ARAP1: variants seen among roughly 807,000 people sequenced by gnomAD.
The protein encoded by ARAP1 is ArfGAP with RhoGAP domain, ankyrin repeat and PH domain 1, also known as arf-GAP with Rho-GAP domain, ANK repeat and PH domain-containing protein 1.
Under a neutral mutation model 172.2 loss-of-function variants are expected in ARAP1, and 76 were observed. That is an observed-to-expected ratio of 0.44 (90% CI 0.37 to 0.53). The LOEUF (loss-of-function observed/expected upper bound fraction) is 0.53, where lower values mean the gene tolerates loss of function less well. Among genes scored for constraint, ARAP1 ranks in the 20% least tolerant of loss-of-function variants. The pLI is 0.00. For missense variants in ARAP1, 1,686 were observed against 1,977.5 expected (o/e 0.85, Z 2.80); for synonymous variants, 804 against 803.3 (o/e 1.00, Z -0.01).
chr11:72,697,357 G>C lies in ARAP1; in HGVS notation c.2919C>G (p.Ile973Met). The C allele has an allele frequency of 6.2e-7, 1 of 1,602,384 alleles. No individual in the cohort carries two copies. Among genetic ancestry groups the C allele is most frequent in the Non-Finnish European group, 8.5e-7 (1 of 1,174,786 alleles). Residue 973 changes from isoleucine (I) to methionine (M), a missense_variant, in exon 21 of 35, where the codon ATC becomes ATG. By Grantham distance (10) the Ile-to-Met change is conservative. Around this residue, in one of 5 missense-constraint regions of ARAP1, gnomAD observed 274 missense variants for 262.7 expected, o/e 1.04. Coordinates refer to ENST00000393609, the MANE Select transcript of ARAP1 (RefSeq NM_001040118.3). ...QQLGDSDIPV[I>M]VYRCVDYITQ... ...TGATGTAGTCCACACAGCGGTACAC[G>C]ATCACCGGGATATCCGAGTCCCCAA... is the stretch of plus-strand genomic sequence containing the variant.
At chr11:72,692,550 T>C (rs2306607) in intron 30 of ARAP1, among the ~76,000 whole-genome samples, 49,332 of 152,140 alleles carry the variant, frequency 0.32, 9,850 homozygotes, top group Non-Finnish European at 0.46. Context: ...GAACCCTATA[T>C]TGGGGAAAGG....
rs1856970528 is a variant in ARAP1 at position 72,710,593 on chromosome 11, G to A, written c.1214-6C>T. 6.2e-7 allele frequency: 1 copy of A among 1,602,490 alleles called. No homozygotes were observed. The highest frequency in any genetic ancestry group is 8.5e-7 in the Non-Finnish European group (1 of 1,178,164). ...CATCCACTCCTTCCGCTCCACTGCA[G>A]GAGAAGGGTAGAGGAGTAAGCCCAA... is the stretch of plus-strand genomic sequence containing the variant. On this transcript the variant is annotated splice_region_variant and splice_polypyrimidine_tract_variant and intron_variant, in intron 9 of 34. Transcript: ENST00000393609. This position sits in a 1 kb window ranked among gnomAD's most constrained non-coding sequence, Gnocchi z 4.3.
chr11:72,710,639 G>A lies in ARAP1; in HGVS notation c.1214-52C>T. Reference sequence around the variant, plus strand: ...CCCAAGGTTGCAGGGAGCCCCTCAGGGGTCTCCTGGCCCTAGGCTCCTCAT... The same window carrying A: ...CCCAAGGTTGCAGGGAGCCCCTCAGAGGTCTCCTGGCCCTAGGCTCCTCAT... On this transcript the variant is annotated intron_variant, in intron 9 of 34. Transcript: ENST00000393609. This position sits in a 1 kb window ranked among gnomAD's most constrained non-coding sequence, Gnocchi z 4.3. 1.3e-6 allele frequency: 2 copies of A among 1,529,360 alleles called. No individual in the cohort carries two copies. Among genetic ancestry groups the A allele is most frequent in the Non-Finnish European group, 1.8e-6 (2 of 1,136,708 alleles). 94.7% of individuals were successfully genotyped at this position (1,529,360 alleles called of 1,614,324 possible). A position where few individuals can be genotyped will look rare whatever the true frequency, so the allele number is the denominator to read the frequency against.
Position 72,685,270 on chromosome 11 carries a change from C to T in ARAP1, c.*394G>A. On this transcript the variant is annotated 3_prime_UTR_variant, in exon 35 of 35. Transcript: ENST00000393609. ...GCTCCTCTACAGCACCCGCTTTCTG[C>T]TGTTCTGGAGTTTGTTGGGAGGAGC... The T allele has an allele frequency of 4.1e-6, 1 of 246,518 alleles. No individual in the cohort carries two copies. 15.3% of individuals were successfully genotyped at this position (246,518 alleles called of 1,614,324 possible). A position where few individuals can be genotyped will look rare whatever the true frequency, so the allele number is the denominator to read the frequency against.
intron 30 of ARAP1, among the ~76,000 whole-genome samples, chr11:72,690,364 T>C (rs998137296): frequency 6.6e-6 from 1 of 152,136 alleles, no homozygotes; most frequent in Admixed American, 6.5e-5. Flanking sequence ...AGTCAGAAAG[T>C]CTGCAGAAGT....
At chr11:72,748,651 C>T (rs1785211) in intron 1 of ARAP1, among the ~76,000 whole-genome samples, 10,848 of 152,202 alleles carry the variant, frequency 0.071, 1,281 homozygotes, top group African/African-American at 0.25. Flanking sequence ...CTCTGTACTA[C>T]GGCCCAAGGA....
intron 3 of ARAP1, among the ~76,000 whole-genome samples, chr11:72,718,639 C>T (rs972380430): frequency 1.3e-5 from 2 of 152,178 alleles, no homozygotes; most frequent in East Asian, 3.9e-4. Flanking sequence ...TGTGAACCCA[C>T]CTGCTTACCC....
Position 72,686,067 on chromosome 11 carries a change from G to A in ARAP1, c.4310C>T (p.Ala1437Val), listed in dbSNP as rs769602285. The A allele has an allele frequency of 1.9e-6, 3 of 1,614,112 alleles. No homozygotes were observed. Among genetic ancestry groups the A allele is most frequent in the Non-Finnish European group, 1.7e-6 (2 of 1,180,042 alleles). Residue 1437 changes from alanine (A) to valine (V), a missense_variant, in exon 34 of 35, where the codon GCT becomes GTT. By Grantham distance (64) the Ala-to-Val change is moderately conservative (BLOSUM62 0). This residue lies in a region of ARAP1 where 379 missense variants were observed against 500.1 expected (regional missense o/e 0.76). Coordinates refer to ENST00000393609, the MANE Select transcript of ARAP1 (RefSeq NM_001040118.3). ...AGACAGAGGGTCCGCGGTGAAGGCA[G>A]CCACACTCCGGCGCATTTCATTTTC... ...GSENEMRRSV[A>V]AFTADPLSLL...
chr11:72,712,459 T>C lies in ARAP1; in HGVS notation c.857A>G (p.His286Arg), dbSNP rs1352485614. 1 of 1,597,684 alleles carries C rather than the reference T, an allele frequency of 6.3e-7. No homozygotes were observed. The highest frequency in any genetic ancestry group is 1.3e-5 in the African/African-American group (1 of 74,648). The change falls in exon 6 of 35, where the codon CAC becomes CGC. Residue 286 changes from histidine (H) to arginine (R), a missense_variant. Transcript: ENST00000393609. ...TCACTTGGGGACGCCCTCATAGGCG[T>C]GGTCATCCTCTTCCTCATCCCCTTG... The part of the protein sequence containing the change: ...DDQGDEEEDD[H>R]AYEGVPNGGW...
intron 3 of ARAP1, among the ~76,000 whole-genome samples, chr11:72,718,592 C>T (rs1295438959): frequency 3.9e-5 from 6 of 152,054 alleles, no homozygotes; most frequent in African/African-American, 9.7e-5. Flanking sequence ...CCACTCACCC[C>T]GCACTGCAGC....
At chr11:72,718,067 C>T (rs1396926474) in intron 3 of ARAP1, among the ~76,000 whole-genome samples, 1 of 152,202 alleles carries the variant, frequency 6.6e-6, no homozygotes, top group Non-Finnish European at 1.5e-5. Flanking sequence ...GGGACCGTGT[C>T]TCACGAAGGT....
At chr11:72,694,060 C>T (rs1856060655) in intron 27 of ARAP1, among the ~76,000 whole-genome samples, 1 of 136,108 alleles carries the variant, frequency 7.3e-6, no homozygotes, top group Non-Finnish European at 1.6e-5. Context: ...TGCCTCCCAT[C>T]CCACCCTCCC....
intron 7 of ARAP1, among the ~76,000 whole-genome samples, chr11:72,711,741 G>A (rs962099818): frequency 1.4e-5 from 2 of 142,034 alleles, no homozygotes; most frequent in Non-Finnish European, 3.0e-5. Context: ...TGCCACACAG[G>A]CTGGAAGGCA....
In ARAP1 at chr11:72,726,108, AGGATT is replaced by A. The variant is rs1857681135; in HGVS notation, c.509+507_509+511del. 6.6e-6 allele frequency among the ~76,000 whole-genome samples: 1 copy of A among 152,156 alleles called. No individual in the cohort carries two copies. The highest frequency in any genetic ancestry group is 2.4e-5 in the African/African-American group (1 of 41,434). Reference sequence around the variant, plus strand: ...CCAGATGAGGCCTGAGAAGTGTCCCAGGATTTGCTGACATTTGGCAGTGGGAGAAG... The same window carrying A: ...CCAGATGAGGCCTGAGAAGTGTCCCATGCTGACATTTGGCAGTGGGAGAAG... On this transcript the variant is annotated intron_variant, in intron 3 of 34. Coordinates refer to ENST00000393609, the MANE Select transcript of ARAP1 (RefSeq NM_001040118.3). The surrounding 1 kb of genome is among the most constrained non-coding windows in gnomAD (Gnocchi z 6.5).
chr11:72,687,678 G>A lies in ARAP1; in HGVS notation c.4121+10C>T, dbSNP rs774439609. 25 of 1,614,040 alleles carry A rather than the reference G, an allele frequency of 1.5e-5. No individual in the cohort carries two copies. In the Admixed American group the frequency reaches 2.5e-4, roughly 16 times the overall value. ...TCAGCCTGGGATCTCAGGATGAGGC[G>A]CTCACTCACCACTGCTGCTTCTCAT... On this transcript the variant is annotated intron_variant, in intron 32 of 34. Coordinates refer to ENST00000393609, the MANE Select transcript of ARAP1 (RefSeq NM_001040118.3).
chr11:72,714,110 G>C, intron 4 of ARAP1, 42 bp downstream of exon 4: 1 of 1,416,542 alleles, frequency 7.1e-7, no homozygotes. Flanking sequence ...AGGGATCCCA[G>C]GCCATCCACC....
chr11:72,737,629 T>C (rs1858072819), intron 1 of ARAP1, among the ~76,000 whole-genome samples: 1 of 130,412 alleles, frequency 7.7e-6, no homozygotes, highest in African/African-American at 3.5e-5. Flanking sequence ...TCATTTGTTC[T>C]TTTTTTTTTT....
At chr11:72,743,700 C>T (rs575626182) in intron 1 of ARAP1, among the ~76,000 whole-genome samples, 102 of 152,266 alleles carry the variant, frequency 6.7e-4, no homozygotes, top group African/African-American at 2.4e-3. Flanking sequence ...TCTGAGGCTG[C>T]CCCAGCACTT....
intron 5 of ARAP1, 191 bp from the exon 6 acceptor site, chr11:72,712,759 G>A: frequency 1.1e-6 from 1 of 910,220 alleles, no homozygotes; most frequent in Non-Finnish European, 1.7e-6. Context: ...GGACAGGAGA[G>A]CCAGTGGCAG....
Sources: gnomAD v4.1 joint callset for allele counts (sites outside exome capture counted in the v4.1 genomes callset) on GRCh38, gnomAD v4.1.1 for gene constraint, gnomAD v4.1.1 regional missense constraint, Gnocchi (gnomAD v3.1) non-coding constraint, MANE v1.5 for transcripts, NCBI Gene and HGNC (gene_info 2026-07-23, HGNC 2026-07-21) for gene names.